Variants in INO80D observed in about 807,000 individuals in gnomAD.
The protein encoded by INO80D is INO80 complex subunit D.
Under a neutral mutation model 87.6 loss-of-function variants are expected in INO80D, and 21 were observed. The ratio of observed to expected loss-of-function variants is 0.24; its 90% CI spans 0.17 to 0.35. The LOEUF (loss-of-function observed/expected upper bound fraction) is 0.35, where lower values mean the gene tolerates loss of function less well. INO80D is among the 10% of genes least tolerant of loss of function. INO80D has a pLI of 1.00. For synonymous variants in INO80D, 440 were observed against 491.0 expected (o/e 0.90, Z 1.37); for missense variants, 982 against 1,280.7 (o/e 0.77, Z 3.56).
chr2:206,072,306 T>C (rs1689993064), intron 1 of INO80D, among the ~76,000 whole-genome samples: 1 of 151,992 alleles, frequency 6.6e-6, no homozygotes, highest in Non-Finnish European at 1.5e-5. Context: ...AGACAGAGTC[T>C]CGCTCTGTCA....
chr2:206,071,420 GC>G (rs1284555678), intron 1 of INO80D, among the ~76,000 whole-genome samples: 1 of 145,394 alleles, frequency 6.9e-6, no homozygotes, highest in Non-Finnish European at 1.5e-5. Context: ...CACCACACCT[GC>G]CTTCAAATCT....
At chr2:206,020,023 G>A (rs1044719917) in intron 6 of INO80D, among the ~76,000 whole-genome samples, 178 bp from the exon 7 acceptor site, 2 of 151,582 alleles carry the variant, frequency 1.3e-5, no homozygotes, top group Non-Finnish European at 2.9e-5. Flanking sequence ...TACCAATTGT[G>A]TTATTTCCCT....
At position 206,029,045 on chromosome 2, in the gene INO80D, G is replaced by A. The variant is rs546382025; in HGVS notation, c.1074-710C>T. ...TGGGACTACAGGTGTCTGCCACCACGCCTGGCTAATTTTTTTGTATTTTTA... is the reference window on the plus strand; with the variant it reads ...TGGGACTACAGGTGTCTGCCACCACACCTGGCTAATTTTTTTGTATTTTTA... On this transcript the variant is annotated intron_variant, in intron 5 of 10. Coordinates refer to ENST00000403263, the MANE Select transcript of INO80D (RefSeq NM_017759.5). Among the ~76,000 whole-genome samples the A allele has an allele frequency of 4.0e-5, 6 of 151,866 alleles. No homozygotes were observed. The South Asian group carries it at 6.3e-4, about 16-fold the overall frequency.
At chr2:206,044,286 G>A (rs1250784829) in intron 5 of INO80D, among the ~76,000 whole-genome samples, 1 of 151,988 alleles carries the variant, frequency 6.6e-6, no homozygotes, top group African/African-American at 2.4e-5. Context: ...AGGAATAGAT[G>A]GGTGGGTAAA....
intron 1 of INO80D, among the ~76,000 whole-genome samples, chr2:206,067,240 G>A (rs1437963491): frequency 4.7e-5 from 7 of 149,216 alleles, no homozygotes; most frequent in Non-Finnish European, 1.0e-4. Flanking sequence ...GAGTGCAACC[G>A]TCTCCAAAAA....
intron 1 of INO80D, among the ~76,000 whole-genome samples, chr2:206,080,472 A>T (rs1208776917): frequency 6.6e-6 from 1 of 152,190 alleles, no homozygotes; most frequent in African/African-American, 2.4e-5. Context: ...CTGAAATGGA[A>T]TATACTGCAC....
Position 206,019,751 on chromosome 2 carries a change from T to C in INO80D, c.1393A>G (p.Arg465Gly). Residue 465 changes from arginine (R) to glycine (G), a missense_variant, in exon 7 of 11, where the codon AGA (arginine) becomes GGA (glycine). By Grantham distance (125) the Arg-to-Gly change is moderately radical. Transcript: ENST00000403263. ...QCANKALPFT[R>G]HCFQHILLNH... ...GAAAGGATACGTTGGAAACAATGTCTGGTGAATGGAAGGGCTTTGTTAGCG... is the reference window on the plus strand; with the variant it reads ...GAAAGGATACGTTGGAAACAATGTCCGGTGAATGGAAGGGCTTTGTTAGCG... The C allele has an allele frequency of 6.2e-7, 1 of 1,613,582 alleles. No homozygotes were observed. Among genetic ancestry groups the C allele is most frequent in the Non-Finnish European group, 8.5e-7 (1 of 1,179,614 alleles).
In INO80D at chr2:206,004,230, C is replaced by T. The variant is rs1171509690; in HGVS notation, c.*138G>A. The T allele has an allele frequency of 9.1e-6, 7 of 765,972 alleles. No homozygotes were observed. The highest frequency in any genetic ancestry group is 2.9e-4 in the Middle Eastern group (1 of 3,472). 47.4% of individuals were successfully genotyped at this position (765,972 alleles called of 1,614,324 possible). On this transcript the variant is annotated 3_prime_UTR_variant, in exon 11 of 11. Coordinates refer to ENST00000403263, the MANE Select transcript of INO80D (RefSeq NM_017759.5). The surrounding 1 kb of genome is among the most constrained non-coding windows in gnomAD (Gnocchi z 4.9). ...TAGCGAGGTCCACTGCAGGGCCACT[C>T]ATTGAACTGGGAAGGGGGGTGCCCC... is the stretch of plus-strand genomic sequence containing the variant.
chr2:206,084,132 C>A (rs1690362175), intron 1 of INO80D, among the ~76,000 whole-genome samples: 1 of 150,698 alleles, frequency 6.6e-6, no homozygotes, highest in African/African-American at 2.4e-5. Context: ...AAATTGAATC[C>A]ATTTAAACAG....
intron 5 of INO80D, among the ~76,000 whole-genome samples, chr2:206,029,365 T>G (rs1186737741): frequency 6.6e-6 from 1 of 152,166 alleles, no homozygotes; most frequent in African/African-American, 2.4e-5. Context: ...GAGTGCCTTT[T>G]TAGCAATGGC....
intron 6 of INO80D, among the ~76,000 whole-genome samples, chr2:206,023,898 CAGTT>C (rs993319865): frequency 3.9e-5 from 6 of 152,052 alleles, no homozygotes; most frequent in African/African-American, 1.4e-4. Context: ...TCACTGATGT[CAGTT>C]AGGAAGATGT....
chr2:206,030,683 T>C (rs1374358455), intron 5 of INO80D, among the ~76,000 whole-genome samples: 1 of 152,214 alleles, frequency 6.6e-6, no homozygotes, highest in Non-Finnish European at 1.5e-5. Flanking sequence ...GTTAGCTTTC[T>C]AGACTTAAAT....
Position 206,003,977 on chromosome 2 carries a change from CTAGAACCACCT to C in INO80D, c.*380_*390del. On this transcript the variant is annotated 3_prime_UTR_variant, in exon 11 of 11. Transcript: ENST00000403263. ...AACTCAATTAATAAGATCATTCTAT[CTAGAACCACCT>C]ATGTAAAAACCTGGCAACAGAATGG... 1 of 228,370 alleles carries C rather than the reference CTAGAACCACCT, an allele frequency of 4.4e-6. No homozygotes were observed. The highest frequency in any genetic ancestry group is 8.8e-6 in the Non-Finnish European group (1 of 114,046). 14.1% of individuals were successfully genotyped at this position (228,370 alleles called of 1,614,324 possible).
chr2:206,083,418 G>C (rs1437385964), intron 1 of INO80D, among the ~76,000 whole-genome samples: 1 of 151,910 alleles, frequency 6.6e-6, no homozygotes, highest in Non-Finnish European at 1.5e-5. Context: ...TATAATAGAA[G>C]TAACGATTTT....
rs1687849129 is a variant in INO80D, at chr2:205,998,519, A to G, written c.*5849T>C. ...AAACACATAGGCAACATAATTCATT[A>G]CACTCGATACAGCTTTAGTATAAAA... On this transcript the variant is annotated 3_prime_UTR_variant, in exon 11 of 11. Transcript: ENST00000403263. 1 of 151,860 alleles carries G rather than the reference A, an allele frequency of 6.6e-6. No homozygotes were observed. The highest frequency in any genetic ancestry group is 1.5e-5 in the Non-Finnish European group (1 of 67,990). 9.4% of individuals were successfully genotyped at this position (151,860 alleles called of 1,614,324 possible). A position where few individuals can be genotyped will look rare whatever the true frequency, so the allele number is the denominator to read the frequency against.
At position 206,063,253 on chromosome 2, in the gene INO80D, A is replaced by G. The variant is rs966717562; in HGVS notation, c.-123-9T>C. On this transcript the variant is annotated splice_polypyrimidine_tract_variant and intron_variant, in intron 1 of 10. Transcript: ENST00000403263. The stretch of plus-strand genomic sequence containing the variant: ...AGGATGAAGCAGATTGTCTATAAAA[A>G]TATCAAAAGGCCTAGTTAACAAACA... 1.8e-6 allele frequency: 1 copy of G among 542,036 alleles called. No homozygotes were observed. The highest frequency in any genetic ancestry group is 2.0e-5 in the African/African-American group (1 of 50,524). 33.6% of individuals were successfully genotyped at this position (542,036 alleles called of 1,614,324 possible). A position where few individuals can be genotyped will look rare whatever the true frequency, so the allele number is the denominator to read the frequency against.
rs906421912 is a variant in INO80D, at chr2:205,994,144, A to G, written c.*10224T>C. 1 of 152,098 alleles carries G rather than the reference A, an allele frequency of 6.6e-6. No individual in the cohort carries two copies. The highest frequency in any genetic ancestry group is 1.5e-5 in the Non-Finnish European group (1 of 68,022). The allele number at this position is 152,098 out of a possible 1,614,324, so 9.4% of individuals were successfully genotyped here. A position where few individuals can be genotyped will look rare whatever the true frequency, so the allele number is the denominator to read the frequency against. ...CTTACCAAAACCTGCCCATCTCCTC[A>G]TCTTGCTCCTACAGTCTGTGCAGAA... On this transcript the variant is annotated 3_prime_UTR_variant, in exon 11 of 11. Coordinates refer to ENST00000403263, the MANE Select transcript of INO80D (RefSeq NM_017759.5).
At chr2:206,039,473 G>A (rs1053056735) in intron 5 of INO80D, among the ~76,000 whole-genome samples, 2 of 152,118 alleles carry the variant, frequency 1.3e-5, no homozygotes, top group Non-Finnish European at 2.9e-5. Flanking sequence ...TCTGGGCTTA[G>A]TGGCATGGTT....
rs767394845 is a variant in INO80D at position 206,005,583 on chromosome 2, C to T, written c.1919-50G>A. The stretch of plus-strand genomic sequence containing the variant: ...ATCAGTAGAGCTTTTACCAGTTCTA[C>T]ATCACAAAAATCACACATTTGAATT... On this transcript the variant is annotated intron_variant, in intron 10 of 10. Transcript: ENST00000403263. 37 of 1,349,446 alleles carry T rather than the reference C, an allele frequency of 2.7e-5. No homozygotes were observed. In the African/African-American group the frequency reaches 4.4e-4, roughly 16 times the overall value. The allele number at this position is 1,349,446 out of a possible 1,614,324, so 83.6% of individuals were successfully genotyped here. A position where few individuals can be genotyped will look rare whatever the true frequency, so the allele number is the denominator to read the frequency against.
Sources: allele counts gnomAD v4.1 joint callset (sites outside exome capture counted in the v4.1 genomes callset), GRCh38; gene constraint gnomAD v4.1.1; non-coding constraint Gnocchi (gnomAD v3.1); transcripts MANE v1.5; gene names NCBI Gene and HGNC (gene_info 2026-07-23, HGNC 2026-07-21).